LRRC4C: variants seen among roughly 807,000 people sequenced by gnomAD.
LRRC4C encodes the protein leucine rich repeat containing 4C, also known as leucine-rich repeat-containing protein 4C.
LRRC4C carries 5 observed loss-of-function variants against 33.6 expected under a neutral mutation model. The ratio of observed to expected loss-of-function variants is 0.15; its 90% CI spans 0.08 to 0.31. The LOEUF is 0.31. Ranked by LOEUF, LRRC4C falls within the 10% of genes least tolerant of loss-of-function variation. The pLI is 1.00. For missense variants in LRRC4C, 560 were observed against 796.7 expected, an observed-to-expected ratio of 0.70 and a Z score of 3.58; for synonymous variants, 329 against 302.0, an observed-to-expected ratio of 1.09 and a Z score of -0.93.
chr11:40,376,307 GT>G, intron 3 of LRRC4C, among the ~76,000 whole-genome samples: 1 of 152,080 alleles, frequency 6.6e-6, no homozygotes, highest in East Asian at 1.9e-4. Context: ...AACTTCTAAA[GT>G]TTTACAGGTC....
chr11:40,725,272 C>T (rs534127581), intron 2 of LRRC4C, among the ~76,000 whole-genome samples: 15 of 151,958 alleles, frequency 9.9e-5, no homozygotes, highest in Non-Finnish European at 1.9e-4. Flanking sequence ...TCTGGGAGGC[C>T]GAGGCAGGTG....
At chr11:41,127,139 T>A (rs572426501) in intron 1 of LRRC4C, among the ~76,000 whole-genome samples, 1 of 152,264 alleles carries the variant, frequency 6.6e-6, no homozygotes, top group Admixed American at 6.5e-5. Context: ...TTTAATTGCA[T>A]GTACCACACT....
Position 41,292,031 on chromosome 11 carries a change from T to C in LRRC4C, c.-496+167400A>G, listed in dbSNP as rs369033435. Among the ~76,000 whole-genome samples the C allele has an allele frequency of 9.9e-5, 15 of 152,200 alleles. No individual in the cohort carries two copies. The South Asian group carries it at 2.7e-3, about 27-fold the overall frequency. ...GTTTGAAACCCCTTCCCGAACCAGG[T>C]TGTGGAAGATTCTATTTGATATAAA... is the stretch of plus-strand genomic sequence containing the variant. On this transcript the variant is annotated intron_variant, in intron 1 of 6. Coordinates refer to ENST00000528697, the MANE Select transcript of LRRC4C (RefSeq NM_001258419.2).
intron 3 of LRRC4C, among the ~76,000 whole-genome samples, chr11:40,482,611 A>G (rs1185724027): frequency 6.6e-6 from 1 of 152,034 alleles, no homozygotes; most frequent in African/African-American, 2.4e-5. Flanking sequence ...CTGGGACTAC[A>G]GGCATGCATC....
chr11:41,314,289 G>A (rs1950722224), intron 1 of LRRC4C, among the ~76,000 whole-genome samples: 1 of 152,138 alleles, frequency 6.6e-6, no homozygotes, highest in African/African-American at 2.4e-5. Context: ...ATAGGTATCA[G>A]TTAAGTTTAG....
chr11:40,378,520 G>A (rs1948743558), intron 3 of LRRC4C, among the ~76,000 whole-genome samples: 2 of 151,386 alleles, frequency 1.3e-5, no homozygotes, highest in African/African-American at 4.9e-5. Context: ...GTGTATTTCT[G>A]TGAGAAAGAA....
At chr11:40,802,508 C>CAA (rs11385732) in intron 2 of LRRC4C, among the ~76,000 whole-genome samples, 3,829 of 144,792 alleles carry the variant, frequency 0.026, 70 homozygotes, top group African/African-American at 0.055. Context: ...TTAGAATAAG[C>CAA]AAAAAAAAAA....
intron 2 of LRRC4C, among the ~76,000 whole-genome samples, chr11:40,733,327 G>A (rs1193678515): frequency 6.6e-6 from 1 of 151,784 alleles, no homozygotes; most frequent in Admixed American, 6.6e-5. Flanking sequence ...CGCCCTCCTC[G>A]GCCTCCCAAA....
chr11:41,359,380 A>T (rs1438994907), intron 1 of LRRC4C, among the ~76,000 whole-genome samples: 1 of 152,176 alleles, frequency 6.6e-6, no homozygotes, highest in Non-Finnish European at 1.5e-5. Flanking sequence ...AGGATAATCA[A>T]CTGTAACAAA....
rs373133733 is a variant in LRRC4C, at chr11:40,833,124, G to A, written c.-407+100511C>T. 1.2e-4 allele frequency among the ~76,000 whole-genome samples: 19 copies of A among 152,212 alleles called. 2 individuals are homozygous for A. Among genetic ancestry groups the A allele is most frequent in the African/African-American group, 4.6e-4 (19 of 41,546 alleles). ...TATAATGTTAGCTAATAGTTACAAAGGCATAGTGGATCTTGACTTGCTACT... is the reference window on the plus strand; with the variant it reads ...TATAATGTTAGCTAATAGTTACAAAAGCATAGTGGATCTTGACTTGCTACT... On this transcript the variant is annotated intron_variant, in intron 2 of 6. Coordinates refer to ENST00000528697, the MANE Select transcript of LRRC4C (RefSeq NM_001258419.2).
intron 1 of LRRC4C, among the ~76,000 whole-genome samples, chr11:41,359,632 G>A (rs908470669): frequency 2.9e-4 from 44 of 152,234 alleles, no homozygotes; most frequent in African/African-American, 9.4e-4. Flanking sequence ...TGCAAATGAG[G>A]AAACAGGAAA....
intron 1 of LRRC4C, among the ~76,000 whole-genome samples, chr11:41,099,240 C>A (rs1010770550): frequency 3.9e-5 from 6 of 151,926 alleles, no homozygotes; most frequent in African/African-American, 1.2e-4. Flanking sequence ...AGATTCAGAG[C>A]CAAATTCAAC....
rs183856799 is a variant in LRRC4C, at chr11:40,343,559, C to T, written c.-269-23838G>A. On this transcript the variant is annotated intron_variant, in intron 3 of 6. Transcript: ENST00000528697. The stretch of plus-strand genomic sequence containing the variant: ...GGTGTCCATTGTTCCCCTCTTTGGT[C>T]CATGCGTTCTCATTGATTAGCTCCC... Among the ~76,000 whole-genome samples the T allele has an allele frequency of 2.6e-5, 4 of 151,966 alleles. No homozygotes were observed. In the East Asian group the frequency reaches 5.8e-4, roughly 22 times the overall value.
At chr11:41,442,720 T>C (rs1014601410) in intron 1 of LRRC4C, among the ~76,000 whole-genome samples, 9 of 151,974 alleles carry the variant, frequency 5.9e-5, no homozygotes, top group South Asian at 2.1e-4. Flanking sequence ...CCGCCCGCCT[T>C]TGCCTCCCAA....
At chr11:40,749,820 G>A (rs113079432) in intron 2 of LRRC4C, among the ~76,000 whole-genome samples, 4,682 of 151,862 alleles carry the variant, frequency 0.031, 95 homozygotes, top group Middle Eastern at 0.048. Context: ...CTGATACCAC[G>A]GAAATACAGA....
chr11:40,349,926 T>G (rs2137073614), intron 3 of LRRC4C, among the ~76,000 whole-genome samples: 1 of 152,254 alleles, frequency 6.6e-6, no homozygotes, highest in South Asian at 2.1e-4. Context: ...TTGCCCATTT[T>G]AAAATCAGAT....
intron 1 of LRRC4C, among the ~76,000 whole-genome samples, chr11:41,213,367 T>A (rs1946903512): frequency 1.3e-5 from 2 of 152,228 alleles, no homozygotes; most frequent in Admixed American, 1.3e-4. Context: ...CCTGGGGACC[T>A]TTTCTCAGAC....
At chr11:40,611,872 C>T (rs984700905) in intron 3 of LRRC4C, among the ~76,000 whole-genome samples, 2 of 143,244 alleles carry the variant, frequency 1.4e-5, no homozygotes, top group Non-Finnish European at 3.1e-5. Context: ...CAAAAAACAA[C>T]AAAAAATAAG....
chr11:40,122,986 C>CACACACAT (rs746283980), intron 6 of LRRC4C, among the ~76,000 whole-genome samples: 2 of 100,756 alleles, frequency 2.0e-5, no homozygotes, highest in South Asian at 6.4e-4. Context: ...CACACACACA[C>CACACACAT]ATATATACTA....
Sources: allele counts gnomAD v4.1 joint callset (sites outside exome capture counted in the v4.1 genomes callset), GRCh38; gene constraint gnomAD v4.1.1; transcripts MANE v1.5; gene names NCBI Gene and HGNC (gene_info 2026-07-23, HGNC 2026-07-21).